The following RGS6 variants were observed in gnomAD, a reference collection of about 807,000 sequenced individuals.
The protein encoded by RGS6 is regulator of G-protein signaling 6.
RGS6 carries 30 observed loss-of-function variants against 78.5 expected under a neutral mutation model. That is an observed-to-expected ratio of 0.38 (90% CI 0.29 to 0.52). The LOEUF (loss-of-function observed/expected upper bound fraction) is 0.52, where lower values mean the gene tolerates loss of function less well. Among genes scored for constraint, RGS6 ranks in the 20% least tolerant of loss-of-function variants. The pLI, the probability that RGS6 is intolerant of heterozygous loss-of-function variation, is 0.85. For synonymous variants in RGS6, 206 were observed against 206.0 expected (o/e 1.00, Z 0.00); for missense variants, 495 against 609.7 (o/e 0.81, Z 1.98).
chr14:72,073,323 T>C (rs2094470183), intron 2 of RGS6, among the ~76,000 whole-genome samples: 1 of 152,206 alleles, frequency 6.6e-6, no homozygotes, highest in Non-Finnish European at 1.5e-5. Context: ...TTGACATAAA[T>C]GAGAGTTAAG....
intron 2 of RGS6, among the ~76,000 whole-genome samples, chr14:72,291,812 C>T (rs141041931): frequency 1.3e-5 from 2 of 152,100 alleles, no homozygotes; most frequent in South Asian, 2.1e-4. Flanking sequence ...AGTTACCGAG[C>T]GTACTTGTGT....
intron 3 of RGS6, among the ~76,000 whole-genome samples, chr14:72,410,336 T>C (rs1370703215): frequency 2.6e-5 from 4 of 152,376 alleles, no homozygotes; most frequent in East Asian, 1.9e-4. Flanking sequence ...GAGCATTTTT[T>C]CATGTGTTCT....
intron 1 of RGS6, among the ~76,000 whole-genome samples, chr14:71,941,821 A>G (rs1357602294): frequency 1.3e-5 from 2 of 152,224 alleles, no homozygotes; most frequent in Non-Finnish European, 2.9e-5. Context: ...CACACCCAGG[A>G]TCAATACTCC....
At chr14:72,482,379 C>A (rs1218729197) in intron 12 of RGS6, among the ~76,000 whole-genome samples, 3 of 152,142 alleles carry the variant, frequency 2.0e-5, no homozygotes, top group East Asian at 1.9e-4. Flanking sequence ...CCCTTCCCCC[C>A]AACACCCAAC....
intron 2 of RGS6, among the ~76,000 whole-genome samples, chr14:72,031,240 C>T (rs868772674): frequency 2.0e-5 from 3 of 151,896 alleles, no homozygotes; most frequent in Non-Finnish European, 2.9e-5. Flanking sequence ...GGTATTTTAC[C>T]CATTAGTGAT....
chr14:72,615,921 C>T, the RGS6 span, among the ~76,000 whole-genome samples: 223 of 152,324 alleles, frequency 1.5e-3, 2 homozygotes, highest in Admixed American at 6.7e-3. Context: ...GCAGCCTCAC[C>T]TCTCTGGTTT....
chr14:72,395,488 G>A (rs568424423), intron 3 of RGS6, among the ~76,000 whole-genome samples: 4 of 152,106 alleles, frequency 2.6e-5, no homozygotes, highest in South Asian at 2.1e-4. Context: ...AAAGTAACAC[G>A]AGAGGAATTC....
chr14:72,624,966 T>C, the RGS6 span, among the ~76,000 whole-genome samples: 1 of 152,244 alleles, frequency 6.6e-6, no homozygotes, highest in Non-Finnish European at 1.5e-5. Flanking sequence ...GATTATATAG[T>C]TAAGGTAGTG....
chr14:72,466,001 G>T (rs2095900692), intron 7 of RGS6, among the ~76,000 whole-genome samples, 179 bp downstream of exon 7: 1 of 151,474 alleles, frequency 6.6e-6, no homozygotes, highest in Non-Finnish European at 1.5e-5. Flanking sequence ...ACAATAAGAT[G>T]GTGTTTTTAC....
chr14:72,567,113 T>G (rs374742181), downstream of RGS6, among the ~76,000 whole-genome samples: 14 of 152,180 alleles, frequency 9.2e-5, no homozygotes, highest in African/African-American at 3.4e-4. Flanking sequence ...AACACCTAGC[T>G]GCATACTTCA....
intron 3 of RGS6, among the ~76,000 whole-genome samples, chr14:72,361,149 G>A (rs992056967): frequency 6.8e-6 from 1 of 146,030 alleles, no homozygotes; most frequent in African/African-American, 2.5e-5. Context: ...GTGTGAGAAT[G>A]TACTAATACA....
intron 2 of RGS6, among the ~76,000 whole-genome samples, chr14:72,091,506 T>A (rs1178614048): frequency 6.6e-6 from 1 of 152,200 alleles, no homozygotes; most frequent in Non-Finnish European, 1.5e-5. Flanking sequence ...TCTGGCTCCA[T>A]GTTCCTGTGA....
chr14:72,423,883 G>T (rs1322220489), intron 3 of RGS6, among the ~76,000 whole-genome samples: 1 of 152,180 alleles, frequency 6.6e-6, no homozygotes, highest in Non-Finnish European at 1.5e-5. Flanking sequence ...GTTAAGTCAG[G>T]ATCCCTGCTG....
intron 2 of RGS6, among the ~76,000 whole-genome samples, chr14:72,252,479 G>A (rs1006483216): frequency 2.6e-5 from 4 of 152,122 alleles, no homozygotes; most frequent in Non-Finnish European, 5.9e-5. Context: ...TATAAATTTA[G>A]GTGTCTGTAA....
chr14:72,370,898 G>A (rs2083394193), intron 3 of RGS6, among the ~76,000 whole-genome samples: 1 of 152,180 alleles, frequency 6.6e-6, no homozygotes, highest in Non-Finnish European at 1.5e-5. Context: ...AATAAAGTCT[G>A]TAATTAAAGA....
intron 2 of RGS6, among the ~76,000 whole-genome samples, chr14:72,241,349 A>C (rs847260): frequency 0.89 from 135,977 of 152,190 alleles, 60,935 homozygotes; most frequent in South Asian, 0.93. Flanking sequence ...AATACTTTAA[A>C]TCCTTTTCTG....
intron 3 of RGS6, among the ~76,000 whole-genome samples, chr14:72,413,522 T>C (rs946429482): frequency 6.6e-5 from 10 of 152,318 alleles, no homozygotes; most frequent in Non-Finnish European, 1.3e-4. Context: ...CTCTATCCAA[T>C]TTGCCAGTCT....
intron 3 of RGS6, among the ~76,000 whole-genome samples, chr14:72,418,318 C>A (rs2093965207): frequency 6.6e-6 from 1 of 152,088 alleles, no homozygotes; most frequent in Non-Finnish European, 1.5e-5. Context: ...AGGCACCTGC[C>A]ACTACAGCCG....
chr14:72,604,946 G>A, the RGS6 span, among the ~76,000 whole-genome samples: 17 of 152,164 alleles, frequency 1.1e-4, no homozygotes, highest in East Asian at 3.8e-4. Context: ...CTTTCTGAGC[G>A]GGGCCACTGC....
Sources: allele counts gnomAD v4.1 joint callset (sites outside exome capture counted in the v4.1 genomes callset), GRCh38; gene constraint gnomAD v4.1.1; transcripts MANE v1.5; gene names NCBI Gene and HGNC (gene_info 2026-07-23, HGNC 2026-07-21).